The following FAM193A variants were observed in gnomAD, a reference collection of about 807,000 sequenced individuals.
FAM193A encodes the protein family with sequence similarity 193 member A, also known as protein FAM193A.
Under a neutral mutation model 126.5 loss-of-function variants are expected in FAM193A, and 22 were observed. The ratio of observed to expected loss-of-function variants is 0.17; its 90% CI spans 0.12 to 0.25. FAM193A has a LOEUF of 0.25. Ranked by LOEUF, FAM193A falls within the 10% of genes least tolerant of loss-of-function variation. The pLI, the probability that FAM193A is intolerant of heterozygous loss-of-function variation, is 1.00. For missense variants in FAM193A, 1,675 were observed against 1,672.8 expected, an observed-to-expected ratio of 1.00 and a Z score of -0.02; for synonymous variants, 761 against 646.8, an observed-to-expected ratio of 1.18 and a Z score of -2.68.
chr4:2,711,956 C>T (rs941921064), intron 19 of FAM193A, among the ~76,000 whole-genome samples: 2 of 152,024 alleles, frequency 1.3e-5, no homozygotes, highest in African/African-American at 4.8e-5. Context: ...AATTTCCATG[C>T]GTCTTTTTTC....
chr4:2,668,506 C>T (rs776334646), intron 12 of FAM193A, among the ~76,000 whole-genome samples: 33 of 152,158 alleles, frequency 2.2e-4, no homozygotes, highest in Non-Finnish European at 3.2e-4. Flanking sequence ...CCACCACGCC[C>T]GCCCACAATA....
chr4:2,724,818 C>T lies in FAM193A; in HGVS notation c.4455-6957C>T, dbSNP rs76889177. ...AAAAGCGGGCTGAGAAAGTGCATAT[C>T]GTTATCAAGGGTTACGGAAGAGAGG... On this transcript the variant is annotated intron_variant, in intron 20 of 20. Transcript: ENST00000637812. 2.9e-3 allele frequency among the ~76,000 whole-genome samples: 443 copies of T among 152,262 alleles called. 3 individuals are homozygous for T. Among genetic ancestry groups the T allele is most frequent in the African/African-American group, 8.4e-3 (351 of 41,548 alleles).
intron 1 of FAM193A, among the ~76,000 whole-genome samples, chr4:2,579,230 C>G (rs1045447808): frequency 6.6e-6 from 1 of 152,052 alleles, no homozygotes; most frequent in African/African-American, 2.4e-5. Flanking sequence ...CGCGGTGGCT[C>G]ACGCCTGTAA....
Position 2,613,235 on chromosome 4 carries a change from A to G in FAM193A, c.502-12027A>G, listed in dbSNP as rs1741982792. ...GTGGATTGCTTGAGGCCAGGAGTTT[A>G]AGACCAGTTTGGGCAACATAGTGAG... On this transcript the variant is annotated intron_variant, in intron 2 of 20. Coordinates refer to ENST00000637812, the MANE Select transcript of FAM193A (RefSeq NM_001366318.2). Among the ~76,000 whole-genome samples the G allele has an allele frequency of 3.3e-5, 5 of 152,282 alleles. No homozygotes were observed. In the South Asian group the frequency reaches 1.0e-3, roughly 32 times the overall value.
chr4:2,717,010 G>A (rs370522431), intron 20 of FAM193A, among the ~76,000 whole-genome samples: 18 of 144,638 alleles, frequency 1.2e-4, no homozygotes, highest in African/African-American at 4.4e-4. Context: ...TTGAGACAGA[G>A]TCTCTGTCAC....
chr4:2,629,162 C>A (rs1743290074), intron 4 of FAM193A, among the ~76,000 whole-genome samples: 1 of 151,238 alleles, frequency 6.6e-6, no homozygotes, highest in Admixed American at 6.6e-5. Context: ...AAAAAAAAAT[C>A]TGTTTGCAAA....
Position 2,696,566 on chromosome 4 carries a change from G to A in FAM193A, c.3480G>A (p.Ala1160=), listed in dbSNP as rs148867245. 3.2e-5 allele frequency: 52 copies of A among 1,614,078 alleles called. No homozygotes were observed. The highest frequency in any genetic ancestry group is 1.6e-4 in the Middle Eastern group (1 of 6,084). Residue 1160 remains alanine (A), a synonymous_variant, in exon 18 of 21, where the codon GCG becomes GCA. Transcript: ENST00000637812. ...ETKPVSSTRA[A]KRARHKQRKL... is the part of the protein sequence containing the mutation. ...AACCAGTGAGCAGCACGCGTGCAGC[G>A]AAGCGAGCAAGGCATAAGCAAAGGA...
At chr4:2,717,285 A>T (rs140202404) in intron 20 of FAM193A, among the ~76,000 whole-genome samples, 389 of 152,250 alleles carry the variant, frequency 2.6e-3, no homozygotes, top group African/African-American at 8.2e-3. Context: ...TTTGTATTAT[A>T]ATAAAAACAA....
At chr4:2,720,393 T>C (rs1719997262) in intron 20 of FAM193A, among the ~76,000 whole-genome samples, 1 of 152,200 alleles carries the variant, frequency 6.6e-6, no homozygotes, top group Admixed American at 6.5e-5. Context: ...GGCTCACACC[T>C]GTAATTTCAA....
rs368066701 is a variant in FAM193A at position 2,656,095 on chromosome 4, T to C, written c.1312-1708T>C. ...AGCCACTGCATCCAGCCAGGACTTT[T>C]ATATCTATATTCTGAGGTATAATTG... On this transcript the variant is annotated intron_variant, in intron 7 of 20. Transcript: ENST00000637812. Among the ~76,000 whole-genome samples the C allele has an allele frequency of 2.6e-5, 4 of 152,292 alleles. 1 individual carries two copies. The highest frequency in any genetic ancestry group is 1.9e-4 in the East Asian group (1 of 5,172).
At chr4:2,563,477 G>A (rs559498418) in intron 1 of FAM193A, among the ~76,000 whole-genome samples, 95 of 152,014 alleles carry the variant, frequency 6.2e-4, no homozygotes, top group Non-Finnish European at 9.6e-4. Context: ...GGCCGAGGTG[G>A]GAGGATTGCT....
intron 13 of FAM193A, among the ~76,000 whole-genome samples, chr4:2,688,710 G>A (rs1716027169): frequency 6.6e-6 from 1 of 152,254 alleles, no homozygotes; most frequent in East Asian, 1.9e-4. Context: ...ACTGGGAAGA[G>A]TTCGTGGTGC....
chr4:2,537,376 GTC>G (rs1279487624), intron 1 of FAM193A, among the ~76,000 whole-genome samples: 4 of 152,204 alleles, frequency 2.6e-5, no homozygotes, highest in Admixed American at 1.3e-4. Flanking sequence ...CGCGGCCTCT[GTC>G]AGCCTCTTGA....
At chr4:2,637,720 A>G (rs779490121) in intron 5 of FAM193A, among the ~76,000 whole-genome samples, 2 of 152,166 alleles carry the variant, frequency 1.3e-5, no homozygotes, top group Admixed American at 1.3e-4. Flanking sequence ...GCCCCGGTCC[A>G]GTTATTTGAG....
intron 1 of FAM193A, among the ~76,000 whole-genome samples, chr4:2,584,474 A>G (rs546463878): frequency 1.3e-5 from 2 of 152,036 alleles, no homozygotes; most frequent in East Asian, 3.9e-4. Flanking sequence ...CTTACTGTTA[A>G]ATACTATAAA....
intron 19 of FAM193A, among the ~76,000 whole-genome samples, chr4:2,709,053 T>A (rs1283782278): frequency 2.6e-5 from 4 of 152,132 alleles, no homozygotes; most frequent in African/African-American, 9.7e-5. Flanking sequence ...TTAAAAAAAT[T>A]TAATGTTAAA....
intron 1 of FAM193A, among the ~76,000 whole-genome samples, chr4:2,586,254 A>ATAT (rs1553889911): frequency 8.0e-5 from 12 of 150,896 alleles, no homozygotes; most frequent in African/African-American, 2.7e-4. Context: ...CAAAAAAAAA[A>ATAT]ATATATATAT....
At chr4:2,668,310 T>C (rs955368197) in intron 12 of FAM193A, among the ~76,000 whole-genome samples, 18 of 151,324 alleles carry the variant, frequency 1.2e-4, no homozygotes, top group Admixed American at 1.2e-3. Flanking sequence ...GCTTCCCAGG[T>C]TCAAGTGATT....
At chr4:2,539,886 G>A (rs1459735344) in intron 1 of FAM193A, among the ~76,000 whole-genome samples, 1 of 151,536 alleles carries the variant, frequency 6.6e-6, no homozygotes, top group Admixed American at 6.6e-5. Context: ...ATCACCTGAG[G>A]TCAGGAGTTC....
Sources: allele counts gnomAD v4.1 joint callset (sites outside exome capture counted in the v4.1 genomes callset), GRCh38; gene constraint gnomAD v4.1.1; transcripts MANE v1.5; gene names NCBI Gene and HGNC (gene_info 2026-07-23, HGNC 2026-07-21).